GPR180: variants seen among roughly 807,000 people sequenced by gnomAD.
The protein encoded by GPR180 is integral membrane protein GPR180.
A neutral mutation model predicts 52.6 loss-of-function variants in GPR180; 53 were observed. That is an observed-to-expected ratio of 1.01 (90% CI 0.81 to 1.27). GPR180 has a LOEUF of 1.27. Ranked by LOEUF, GPR180 falls within the 50% of genes most tolerant of loss-of-function variation. The probability of loss-of-function intolerance (pLI) is 0.00; values close to 1 mark genes in which losing one functional copy is unlikely to be tolerated. For synonymous variants in GPR180, 200 were observed against 193.1 expected, an observed-to-expected ratio of 1.04 and a Z score of -0.30; for missense variants, 533 against 527.0, an observed-to-expected ratio of 1.01 and a Z score of -0.11.
At chr13:94,605,219 T>C (rs1170043482) in intron 1 of GPR180, among the ~76,000 whole-genome samples, 172 bp from the exon 2 acceptor site, 1 of 152,200 alleles carries the variant, frequency 6.6e-6, no homozygotes, top group Non-Finnish European at 1.5e-5. Context: ...TTGAATAATC[T>C]CTTGCTTCTG....
chr13:94,607,724 A>G (rs1270461850), intron 2 of GPR180, among the ~76,000 whole-genome samples: 1 of 152,190 alleles, frequency 6.6e-6, no homozygotes, highest in Non-Finnish European at 1.5e-5. Flanking sequence ...TCAGTGACCA[A>G]AATGTCCTTA....
chr13:94,608,742 G>T (rs1399528816), intron 2 of GPR180, among the ~76,000 whole-genome samples: 1 of 152,138 alleles, frequency 6.6e-6, no homozygotes, highest in Non-Finnish European at 1.5e-5. Context: ...TGAGACTTAA[G>T]AGTTAACAGC....
At chr13:94,625,103 C>T (rs1292196188) in intron 7 of GPR180, among the ~76,000 whole-genome samples, 2 of 152,244 alleles carry the variant, frequency 1.3e-5, no homozygotes, top group African/African-American at 4.8e-5. Context: ...CATGAGCCAC[C>T]GCGCCTAGCC....
At chr13:94,606,259 G>A (rs1009502109) in intron 2 of GPR180, among the ~76,000 whole-genome samples, 5 of 152,176 alleles carry the variant, frequency 3.3e-5, no homozygotes, top group Non-Finnish European at 5.9e-5. Flanking sequence ...TCATACCACT[G>A]TACTCCAGCC....
At chr13:94,603,748 A>G (rs983931240) in intron 1 of GPR180, among the ~76,000 whole-genome samples, 1 of 152,164 alleles carries the variant, frequency 6.6e-6, no homozygotes, top group African/African-American at 2.4e-5. Flanking sequence ...AGCATAGAAA[A>G]AAAATTTCCA....
rs746384654 is a variant in GPR180 at position 94,612,262 on chromosome 13, A to G, written c.377A>G (p.Tyr126Cys). ...IPSPQTWHVF[Y>C]ADKYTCQDDK... ...TCTCCACAAACGTGGCATGTGTTTT[A>G]TGCAGACAAGTATACATGCCAAGAT... Residue 126 changes from tyrosine to cysteine, a missense_variant, in exon 3 of 9, where the codon TAT (tyrosine) becomes TGT (cysteine). Coordinates refer to ENST00000376958, the MANE Select transcript of GPR180 (RefSeq NM_180989.6). 2 of 1,613,992 alleles carry G rather than the reference A, an allele frequency of 1.2e-6. No homozygotes were observed. Among genetic ancestry groups the G allele is most frequent in the Non-Finnish European group, 1.7e-6 (2 of 1,179,828 alleles).
intron 2 of GPR180, among the ~76,000 whole-genome samples, chr13:94,610,712 A>G (rs781016532): frequency 5.3e-5 from 8 of 152,236 alleles, no homozygotes; most frequent in Non-Finnish European, 8.8e-5. Flanking sequence ...TAATAGTTTT[A>G]GGTCCAGAAG....
rs1889870232 is a variant in GPR180 at position 94,622,945 on chromosome 13, G to T, written c.895-164G>T. ...AAAAATTCATTTTGTCTAGCTTAGG[G>T]TATTAGAGTGATGAAAAGACTGTAC... On this transcript the variant is annotated intron_variant, in intron 6 of 8. Coordinates refer to ENST00000376958, the MANE Select transcript of GPR180 (RefSeq NM_180989.6). 3.3e-5 allele frequency among the ~76,000 whole-genome samples: 5 copies of T among 152,094 alleles called. No individual in the cohort carries two copies. In the South Asian group the frequency reaches 1.0e-3, roughly 32 times the overall value.
chr13:94,612,092 A>C, intron 2 of GPR180, 98 bp from the exon 3 acceptor site: 2 of 908,160 alleles, frequency 2.2e-6, no homozygotes, highest in African/African-American at 3.3e-5. Context: ...GACAATAAAA[A>C]TTAAAAGATT....
intron 2 of GPR180, among the ~76,000 whole-genome samples, chr13:94,607,054 C>T (rs1178497180): frequency 1.3e-5 from 2 of 152,158 alleles, no homozygotes; most frequent in African/African-American, 2.4e-5. Context: ...AGACCTGGTC[C>T]TCTTCTGATG....
At chr13:94,613,861 C>T (rs1889744224) in intron 3 of GPR180, among the ~76,000 whole-genome samples, 1 of 149,018 alleles carries the variant, frequency 6.7e-6, no homozygotes, top group African/African-American at 2.5e-5. Context: ...AATTGCTCCT[C>T]AGGTCCTTTT....
At chr13:94,612,438 G>A (rs1889720232) in intron 3 of GPR180, 48 bp downstream of exon 3, 4 of 1,325,924 alleles carry the variant, frequency 3.0e-6, no homozygotes, top group Non-Finnish European at 4.3e-6. Flanking sequence ...AAAGATTTAT[G>A]TACAAATATA....
At chr13:94,625,802 G>A (rs1451709218) in intron 7 of GPR180, among the ~76,000 whole-genome samples, 164 bp from the exon 8 acceptor site, 1 of 152,084 alleles carries the variant, frequency 6.6e-6, no homozygotes, top group African/African-American at 2.4e-5. Flanking sequence ...AAATATTAAT[G>A]TCACAGCAAC....
Position 94,612,225 on chromosome 13 carries a change from TC to T in GPR180, c.343del (p.Gln115ArgfsTer37). On this transcript the variant is annotated frameshift_variant, in exon 3 of 9. Coordinates refer to ENST00000376958, the MANE Select transcript of GPR180 (RefSeq NM_180989.6). LOFTEE classifies it high-confidence loss of function. ...MNQTEHNLTV[S>X]QIPSPQTWHV... ...CCAGACCGAACATAATCTGACAGTG[TC>T]CCAGATTCCGTCTCCACAAACGTGG... The T allele has an allele frequency of 5.0e-6, 8 of 1,614,172 alleles. No homozygotes were observed. The highest frequency in any genetic ancestry group is 6.8e-6 in the Non-Finnish European group (8 of 1,180,012).
At chr13:94,620,318 A>C (rs1889835762) in intron 5 of GPR180, among the ~76,000 whole-genome samples, 1 of 143,582 alleles carries the variant, frequency 7.0e-6, no homozygotes, top group Non-Finnish European at 1.5e-5. Flanking sequence ...AAAAGTGATA[A>C]GTTTTCTTAA....
chr13:94,622,581 G>A (rs998325197), intron 6 of GPR180, among the ~76,000 whole-genome samples: 2 of 152,168 alleles, frequency 1.3e-5, no homozygotes, highest in African/African-American at 4.8e-5. Flanking sequence ...TGAACCATGG[G>A]CTGTGGTAGC....
intron 3 of GPR180, among the ~76,000 whole-genome samples, chr13:94,618,422 T>C (rs1449304493): frequency 1.3e-5 from 1 of 76,012 alleles, no homozygotes; most frequent in Admixed American, 1.2e-4. Context: ...AGCACAGGAT[T>C]TTTTTTTTTT....
chr13:94,620,728 G>C (rs925712776), intron 5 of GPR180, among the ~76,000 whole-genome samples: 5 of 152,310 alleles, frequency 3.3e-5, no homozygotes, highest in African/African-American at 1.2e-4. Flanking sequence ...TTAATAAGCA[G>C]TGAGTTATAG....
At position 94,627,991 on chromosome 13, in the gene GPR180, G is replaced by A. The variant is rs1267976808; in HGVS notation, c.*820G>A. The A allele has an allele frequency of 2.0e-5, 3 of 152,528 alleles. No individual in the cohort carries two copies. The highest frequency in any genetic ancestry group is 6.5e-5 in the Admixed American group (1 of 15,280). 9.4% of individuals were successfully genotyped at this position (152,528 alleles called of 1,614,324 possible). A position where few individuals can be genotyped will look rare whatever the true frequency, so the allele number is the denominator to read the frequency against. ...TCCCAATAGAATTCATTTCTCTTAC[G>A]TTGAATCCCCAATCATAATTAAGCC... On this transcript the variant is annotated 3_prime_UTR_variant, in exon 9 of 9. Transcript: ENST00000376958.
Sources: allele counts gnomAD v4.1 joint callset (sites outside exome capture counted in the v4.1 genomes callset), GRCh38; gene constraint gnomAD v4.1.1; transcripts MANE v1.5; gene names NCBI Gene and HGNC (gene_info 2026-07-23, HGNC 2026-07-21).